The following CMC1 variants were observed in gnomAD, a reference collection of about 807,000 sequenced individuals.
The protein encoded by CMC1 is C-X9-C motif containing 1.
A neutral mutation model predicts 14.1 loss-of-function variants in CMC1; 14 were observed. The observed-to-expected ratio is 0.99, with a 90% confidence interval of 0.66 to 1.55. The LOEUF (loss-of-function observed/expected upper bound fraction) is 1.55, where lower values mean the gene tolerates loss of function less well. Among genes scored for constraint, CMC1 ranks in the 40% most tolerant of loss-of-function variants. CMC1 has a pLI of 0.00. For missense variants in CMC1, 127 were observed against 123.8 expected (o/e 1.03, Z -0.12); for synonymous variants, 50 against 38.4 (o/e 1.30, Z -1.12).
At chr3:28,249,160 T>C (rs1278224338) in intron 1 of CMC1, among the ~76,000 whole-genome samples, 2 of 152,218 alleles carry the variant, frequency 1.3e-5, no homozygotes, top group African/African-American at 4.8e-5. Flanking sequence ...CCATCCTGCA[T>C]TGTGTTTTGC....
At chr3:28,312,065 A>G (rs910617424) in intron 2 of CMC1, among the ~76,000 whole-genome samples, 7 of 152,208 alleles carry the variant, frequency 4.6e-5, no homozygotes, top group Non-Finnish European at 8.8e-5. Context: ...ATGTTCTTTA[A>G]TAAACAAGAT....
chr3:28,247,009 C>T (rs1058569), intron 1 of CMC1, among the ~76,000 whole-genome samples: 1 of 151,858 alleles, frequency 6.6e-6, no homozygotes, highest in Non-Finnish European at 1.5e-5. Flanking sequence ...TATTTTCAAT[C>T]GTTTGTACTC....
intron 2 of CMC1, among the ~76,000 whole-genome samples, chr3:28,282,264 G>A (rs567028928): frequency 1.3e-5 from 2 of 152,314 alleles, no homozygotes; most frequent in South Asian, 4.1e-4. Flanking sequence ...ACAGACAGCA[G>A]TGTAACCATG....
chr3:28,324,014 C>T lies in CMC1; in HGVS notation c.*4385C>T. The T allele has an allele frequency of 7.0e-6, 11 of 1,570,526 alleles. No individual in the cohort carries two copies. Among genetic ancestry groups the T allele is most frequent in the Non-Finnish European group, 9.6e-6 (11 of 1,151,572 alleles). ...GACCACTGAAAGAGATAAGTGTCCT[C>T]ATGGTGAAATCGTGAATCTCTTCCA... On this transcript the variant is annotated 3_prime_UTR_variant, in exon 4 of 4. Coordinates refer to ENST00000466830, the MANE Select transcript of CMC1 (RefSeq NM_182523.2).
chr3:28,271,308 C>T (rs562725677), intron 2 of CMC1, among the ~76,000 whole-genome samples: 10 of 152,218 alleles, frequency 6.6e-5, no homozygotes, highest in African/African-American at 2.4e-4. Context: ...CCATATTGAC[C>T]AGGCTGGTCT....
At chr3:28,299,141 A>G (rs931194364) in intron 2 of CMC1, among the ~76,000 whole-genome samples, 5 of 152,106 alleles carry the variant, frequency 3.3e-5, no homozygotes, top group Admixed American at 1.3e-4. Flanking sequence ...TCTGTGTTCA[A>G]ATTAATCAGA....
At chr3:28,268,823 C>T (rs1377399518) in intron 2 of CMC1, among the ~76,000 whole-genome samples, 1 of 152,172 alleles carries the variant, frequency 6.6e-6, no homozygotes, top group Non-Finnish European at 1.5e-5. Flanking sequence ...TTATATCAAT[C>T]ATAAATACAG....
At chr3:28,285,534 G>A (rs1386836433) in intron 2 of CMC1, among the ~76,000 whole-genome samples, 2 of 152,076 alleles carry the variant, frequency 1.3e-5, no homozygotes, top group Non-Finnish European at 2.9e-5. Flanking sequence ...AAAGATGTGA[G>A]GGTAGGAAGT....
At chr3:28,245,594 T>A (rs375689829) in intron 1 of CMC1, among the ~76,000 whole-genome samples, 59 of 152,216 alleles carry the variant, frequency 3.9e-4, no homozygotes, top group African/African-American at 1.3e-3. Context: ...TCTATTGCTG[T>A]TTTTTTCCGG....
intron 1 of CMC1, among the ~76,000 whole-genome samples, chr3:28,258,666 C>T (rs1699560627): frequency 7.2e-6 from 1 of 139,742 alleles, no homozygotes; most frequent in Non-Finnish European, 1.5e-5. Flanking sequence ...GTCACCCAGG[C>T]TGGAGTTCAG....
intron 1 of CMC1, among the ~76,000 whole-genome samples, chr3:28,242,415 T>A (rs1698574993): frequency 6.6e-6 from 1 of 152,210 alleles, no homozygotes; most frequent in Non-Finnish European, 1.5e-5. Flanking sequence ...TGCGTTAGGC[T>A]ATTTTTGCAA....
chr3:28,285,877 C>G (rs1474874508), intron 2 of CMC1, among the ~76,000 whole-genome samples: 1 of 151,832 alleles, frequency 6.6e-6, no homozygotes, highest in East Asian at 1.9e-4. Context: ...CGCCATTCTC[C>G]TGCTTCAGCC....
chr3:28,278,036 AT>A (rs1700671195), intron 2 of CMC1, among the ~76,000 whole-genome samples: 2 of 100,338 alleles, frequency 2.0e-5, no homozygotes, highest in African/African-American at 7.8e-5. Flanking sequence ...TAGAGACACC[AT>A]TTTTGTCTGA....
intron 2 of CMC1, among the ~76,000 whole-genome samples, chr3:28,290,823 T>C (rs1414005809): frequency 6.6e-6 from 1 of 152,098 alleles, no homozygotes; most frequent in African/African-American, 2.4e-5. Context: ...ATGTAGTGGC[T>C]TAAAAGAGCA....
chr3:28,296,213 G>A (rs1053846113), intron 2 of CMC1, among the ~76,000 whole-genome samples: 3 of 151,960 alleles, frequency 2.0e-5, no homozygotes, highest in African/African-American at 7.2e-5. Context: ...AAAATGTAAT[G>A]CTGAGACTCC....
intron 2 of CMC1, among the ~76,000 whole-genome samples, chr3:28,265,614 A>G (rs1214156761): frequency 6.6e-6 from 1 of 152,070 alleles, no homozygotes; most frequent in Non-Finnish European, 1.5e-5. Context: ...CTTTTCCGTT[A>G]GATTTTTTTT....
chr3:28,277,560 A>G (rs72897871), intron 2 of CMC1, among the ~76,000 whole-genome samples: 2 of 152,136 alleles, frequency 1.3e-5, no homozygotes, highest in African/African-American at 4.8e-5. Context: ...AAGAAAAATA[A>G]ATTTTGATAA....
chr3:28,253,879 A>C, intron 1 of CMC1: 1 of 440,780 alleles, frequency 2.3e-6, no homozygotes, highest in Non-Finnish European at 4.2e-6. Flanking sequence ...TTCATATATC[A>C]CATTCTTTGC....
At chr3:28,316,490 C>A in intron 3 of CMC1, 67 bp downstream of exon 3, 1 of 828,000 alleles carries the variant, frequency 1.2e-6, no homozygotes, top group Non-Finnish European at 1.9e-6. Flanking sequence ...TGTTACTTAA[C>A]TCATTACATG....
Sources: gnomAD v4.1 joint callset for allele counts (sites outside exome capture counted in the v4.1 genomes callset) on GRCh38, gnomAD v4.1.1 for gene constraint, MANE v1.5 for transcripts, NCBI Gene and HGNC (gene_info 2026-07-23, HGNC 2026-07-21) for gene names.